Variants in CEP192 observed in about 807,000 individuals in gnomAD.
CEP192 encodes centrosomal protein 192, also known as centrosomal protein of 192 kDa.
Under a neutral mutation model 271.8 loss-of-function variants are expected in CEP192, and 151 were observed. That is an observed-to-expected ratio of 0.56 (90% CI 0.49 to 0.64). CEP192 has a LOEUF of 0.64. Ranked by LOEUF, CEP192 falls within the 30% of genes least tolerant of loss-of-function variation. CEP192 has a pLI of 0.00. For synonymous variants in CEP192, 995 were observed against 1,076.5 expected (o/e 0.92, Z 1.48); for missense variants, 2,910 against 3,020.5 (o/e 0.96, Z 0.86).
intron 20 of CEP192, chr18:13,058,763 TAG>T (rs1377474473): frequency 3.0e-6 from 1 of 335,550 alleles, no homozygotes; most frequent in African/African-American, 2.1e-5. Context: ...TTGTGTGTGC[TAG>T]AGAGACTTAC....
At chr18:13,040,336 G>C (rs1375466868) in intron 13 of CEP192, among the ~76,000 whole-genome samples, 1 of 152,172 alleles carries the variant, frequency 6.6e-6, no homozygotes, top group Non-Finnish European at 1.5e-5. Flanking sequence ...TTTTAGTTCT[G>C]TCATGTGACT....
Position 13,058,727 on chromosome 18 carries a change from C to T in CEP192, c.4258-355C>T, listed in dbSNP as rs1257432316. 4 of 201,978 alleles carry T rather than the reference C, an allele frequency of 2.0e-5. No homozygotes were observed. In the South Asian group the frequency reaches 3.7e-4, roughly 19 times the overall value. The allele number at this position is 201,978 out of a possible 1,614,324, so 12.5% of individuals were successfully genotyped here. A position where few individuals can be genotyped will look rare whatever the true frequency, so the allele number is the denominator to read the frequency against. The stretch of plus-strand genomic sequence containing the variant: ...CTCAGCGGTTAGCCTGACTCTTCTT[C>T]CCCCCAGCCCCCACCCACTGCTGTG... On this transcript the variant is annotated intron_variant, in intron 20 of 44. Coordinates refer to ENST00000506447, the MANE Select transcript of CEP192 (RefSeq NM_032142.4).
At position 13,069,168 on chromosome 18, in the gene CEP192, A is replaced by T; in HGVS notation, c.5042A>T (p.Tyr1681Phe). The T allele has an allele frequency of 6.2e-7, 1 of 1,613,962 alleles. No individual in the cohort carries two copies. The highest frequency in any genetic ancestry group is 8.5e-7 in the Non-Finnish European group (1 of 1,179,824). ...PLKNAGNIEV[Y>F]LDIKVPEQGS... ...AAAAATGCTGGGAACATTGAAGTTT[A>T]TTTGGATATCAAGGTATGCACTTCC... is the stretch of plus-strand genomic sequence containing the variant. Residue 1681 changes from tyrosine (Y) to phenylalanine (F), a missense_variant, in exon 26 of 45, where the codon TAT becomes TTT. By Grantham distance (22) the Tyr-to-Phe change is conservative. Coordinates refer to ENST00000506447, the MANE Select transcript of CEP192 (RefSeq NM_032142.4).
chr18:13,028,971 A>G (rs1271799170), intron 9 of CEP192, among the ~76,000 whole-genome samples: 2 of 152,218 alleles, frequency 1.3e-5, no homozygotes, highest in Non-Finnish European at 2.9e-5. Flanking sequence ...ACTGTGCCTT[A>G]CCAGGTTGTT....
At chr18:13,013,122 A>T (rs1308485154) in intron 5 of CEP192, 97 bp downstream of exon 5, 2 of 596,126 alleles carry the variant, frequency 3.4e-6, no homozygotes, top group Non-Finnish European at 5.8e-6. Flanking sequence ...GTTAGATGTC[A>T]TCTACTTTTT....
intron 21 of CEP192, among the ~76,000 whole-genome samples, chr18:13,062,200 G>A (rs1047976416): frequency 2.0e-5 from 3 of 151,620 alleles, no homozygotes; most frequent in African/African-American, 7.3e-5. Flanking sequence ...GTAGGGAATA[G>A]TTCAGTGTTA....
chr18:13,123,456 C>T (rs747660589), intron 44 of CEP192, among the ~76,000 whole-genome samples: 7 of 152,104 alleles, frequency 4.6e-5, no homozygotes, highest in Non-Finnish European at 7.4e-5. Flanking sequence ...TTTTCTAAAC[C>T]TCATGCCCGG....
rs994056838 is a variant in CEP192 at position 13,049,443 on chromosome 18, T to C, written c.2652T>C (p.Ile884=). 3.0e-5 allele frequency: 48 copies of C among 1,613,998 alleles called. No individual in the cohort carries two copies. The highest frequency in any genetic ancestry group is 3.4e-5 in the Non-Finnish European group (40 of 1,180,022). ...TAGTTGATGTGAAGACATGTTCCAT[T>C]GACAACAAATTACAAGATGTTGGTA... ...SAVVDVKTCS[I]DNKLQDVGND... The change falls in exon 16 of 45, where the codon ATT becomes ATC. Residue 884 remains isoleucine, a synonymous_variant. Coordinates refer to ENST00000506447, the MANE Select transcript of CEP192 (RefSeq NM_032142.4).
chr18:13,110,095 G>A (rs2145025550), intron 40 of CEP192, among the ~76,000 whole-genome samples: 1 of 152,092 alleles, frequency 6.6e-6, no homozygotes, highest in East Asian at 1.9e-4. Flanking sequence ...CAAAATCTAA[G>A]CCCACTTTAT....
intron 9 of CEP192, among the ~76,000 whole-genome samples, chr18:13,029,047 A>C (rs1017618079): frequency 1.3e-5 from 2 of 152,236 alleles, no homozygotes; most frequent in Admixed American, 1.3e-4. Flanking sequence ...ATGTGATACC[A>C]TGGTGGCAGC....
At chr18:13,118,264 G>T (rs887733364) in intron 44 of CEP192, among the ~76,000 whole-genome samples, 1 of 148,426 alleles carries the variant, frequency 6.7e-6, no homozygotes, top group African/African-American at 2.5e-5. Context: ...TTTCATCTTT[G>T]AATCTTTAAG....
At position 13,042,868 on chromosome 18, in the gene CEP192, C is replaced by T. The variant is rs561627101; in HGVS notation, c.2067+534C>T. Reference sequence around the variant, plus strand: ...ATTGTTGATGAAATTTGGGATATTTCCACTGCTGGACAATTATAAAACAAT... The same window carrying T: ...ATTGTTGATGAAATTTGGGATATTTTCACTGCTGGACAATTATAAAACAAT... On this transcript the variant is annotated intron_variant, in intron 15 of 44. Transcript: ENST00000506447. Among the ~76,000 whole-genome samples, 27 of 152,252 alleles carry T rather than the reference C, an allele frequency of 1.8e-4. No individual in the cohort carries two copies. The South Asian group carries it at 5.6e-3, about 32-fold the overall frequency.
In CEP192 at chr18:13,037,286, G is replaced by T. The variant is rs933222142; in HGVS notation, c.1584G>T (p.Glu528Asp). The part of the protein sequence containing the change: ...IAQDEEEFNK[E>D]HQFIQEENID... ...AAGATGAAGAAGAATTTAATAAAGA[G>T]CATCAATTTATACAGGTTTGTAATT... is the stretch of plus-strand genomic sequence containing the variant. The change falls in exon 12 of 45, where the codon GAG becomes GAT. Residue 528 changes from glutamate to aspartate, a missense_variant. By Grantham distance (45) the Glu-to-Asp change is conservative. Coordinates refer to ENST00000506447, the MANE Select transcript of CEP192 (RefSeq NM_032142.4). 1.6e-5 allele frequency: 22 copies of T among 1,361,662 alleles called. No individual in the cohort carries two copies. The highest frequency in any genetic ancestry group is 2.1e-5 in the Non-Finnish European group (21 of 978,200). 84.3% of individuals were successfully genotyped at this position (1,361,662 alleles called of 1,614,324 possible).
intron 26 of CEP192, among the ~76,000 whole-genome samples, 197 bp from the exon 27 acceptor site, chr18:13,069,541 G>T (rs1015108256): frequency 1.3e-5 from 2 of 152,156 alleles, no homozygotes; most frequent in Non-Finnish European, 2.9e-5. Context: ...TGTGGGTGAG[G>T]TGGAAGATAA....
chr18:12,997,834 C>T (rs1270480073), intron 1 of CEP192, among the ~76,000 whole-genome samples: 1 of 152,148 alleles, frequency 6.6e-6, no homozygotes, highest in Non-Finnish European at 1.5e-5. Flanking sequence ...AGGTGATTCT[C>T]CTGCCTTAGC....
chr18:13,000,817 A>G (rs769114500), intron 2 of CEP192, among the ~76,000 whole-genome samples: 4 of 152,148 alleles, frequency 2.6e-5, no homozygotes, highest in Non-Finnish European at 5.9e-5. Flanking sequence ...GCCAGGCGTG[A>G]TGGCGCACGC....
chr18:13,030,635 T>C, intron 11 of CEP192, 27 bp downstream of exon 11: 1 of 1,546,328 alleles, frequency 6.5e-7, no homozygotes. Context: ...ACATTTATTA[T>C]AACATTTTCA....
In CEP192 at chr18:13,030,566, G is replaced by A. The variant is rs766898204; in HGVS notation, c.1492G>A (p.Val498Met). 1.2e-6 allele frequency: 2 copies of A among 1,611,796 alleles called. No homozygotes were observed. The highest frequency in any genetic ancestry group is 4.5e-5 in the East Asian group (2 of 44,836). ...TTTTAATAGCAAACAAAATTTAAATGTGTCTCTAAGTGATGAGATGAATGA... is the reference window on the plus strand; with the variant it reads ...TTTTAATAGCAAACAAAATTTAAATATGTCTCTAAGTGATGAGATGAATGA... ...TSFNSKQNLN[V>M]SLSDEMNEDF... The change falls in exon 11 of 45, where the codon GTG (valine) becomes ATG (methionine). Residue 498 changes from valine to methionine, a missense_variant. Transcript: ENST00000506447.
At chr18:13,113,918 ACT>A (rs762276607) in intron 41 of CEP192, among the ~76,000 whole-genome samples, 1 of 152,020 alleles carries the variant, frequency 6.6e-6, no homozygotes, top group Non-Finnish European at 1.5e-5. Context: ...TATATAAGAA[ACT>A]CTGTGCGTGT....
Sources: allele counts gnomAD v4.1 joint callset (sites outside exome capture counted in the v4.1 genomes callset), GRCh38; gene constraint gnomAD v4.1.1; transcripts MANE v1.5; gene names NCBI Gene and HGNC (gene_info 2026-07-23, HGNC 2026-07-21).